The following TASOR variants were observed in gnomAD, a reference collection of about 807,000 sequenced individuals.
TASOR encodes the protein protein TASOR.
Under a neutral mutation model 178.6 loss-of-function variants are expected in TASOR, and 53 were observed. That is an observed-to-expected ratio of 0.30 (90% CI 0.24 to 0.37). The LOEUF is 0.37. TASOR is among the 10% of genes least tolerant of loss of function. The pLI is 1.00. For missense variants in TASOR, 1,815 were observed against 1,971.4 expected (o/e 0.92, Z 1.50); for synonymous variants, 713 against 696.2 (o/e 1.02, Z -0.38).
In TASOR at chr3:56,621,304, A is replaced by AAAAT. The variant is rs1423299315; in HGVS notation, c.*1729_*1732dup. 2.0e-5 allele frequency: 7 copies of AAAAT among 344,668 alleles called. No individual in the cohort carries two copies. Among genetic ancestry groups the AAAAT allele is most frequent in the Admixed American group, 4.4e-5 (1 of 22,612 alleles). 21.4% of individuals were successfully genotyped at this position (344,668 alleles called of 1,614,324 possible). On this transcript the variant is annotated 3_prime_UTR_variant, in exon 24 of 24. Coordinates refer to ENST00000683822, the MANE Select transcript of TASOR (RefSeq NM_001365635.2). ...TAGTTATGGAGTCTTGAGTTCTAAG[A>AAAAT]AAATTTTCATCCCTATTGATTTTTA...
intron 17 of TASOR, 72 bp downstream of exon 17, chr3:56,638,634 G>C: frequency 6.7e-7 from 1 of 1,485,034 alleles, no homozygotes; most frequent in Non-Finnish European, 9.4e-7. Context: ...CCTATTGATG[G>C]AGTATCAGAA....
intron 17 of TASOR, among the ~76,000 whole-genome samples, chr3:56,636,725 T>C (rs2077025709): frequency 1.3e-5 from 2 of 152,034 alleles, no homozygotes; most frequent in Admixed American, 1.3e-4. Flanking sequence ...TGCCATTAAA[T>C]AATTGCAGTA....
chr3:56,667,378 G>A (rs891740756), intron 6 of TASOR, among the ~76,000 whole-genome samples: 4 of 152,116 alleles, frequency 2.6e-5, no homozygotes, highest in African/African-American at 4.8e-5. Context: ...GGTGCCGGGT[G>A]TGGTGGCTCA....
rs2076729654 is a variant in TASOR, at chr3:56,623,345, C to T, written c.4705G>A (p.Glu1569Lys). The stretch of plus-strand genomic sequence containing the variant: ...ACTATATCAATAGAAGTTCTCTCTT[C>T]AGAATCAAGGTAAGTCTTATCTTCT... ...LLEDKTYLDS[E>K]ERTSIDIVCS... is the part of the protein sequence containing the mutation. The change falls in exon 24 of 24, where the codon GAA becomes AAA. Residue 1569 changes from glutamate (E) to lysine (K), a missense_variant. Coordinates refer to ENST00000683822, the MANE Select transcript of TASOR (RefSeq NM_001365635.2). The T allele has an allele frequency of 3.7e-6, 6 of 1,613,442 alleles. No individual in the cohort carries two copies. The highest frequency in any genetic ancestry group is 3.4e-6 in the Non-Finnish European group (4 of 1,179,972).
chr3:56,636,382 T>TTTG (rs1302784773), intron 17 of TASOR, among the ~76,000 whole-genome samples: 76 of 151,450 alleles, frequency 5.0e-4, no homozygotes, highest in Non-Finnish European at 6.3e-4. Context: ...TAATAAAGCT[T>TTTG]TTGTTGTTGG....
At chr3:56,624,093 G>T (rs1442927048) in intron 23 of TASOR, among the ~76,000 whole-genome samples, 1 of 151,984 alleles carries the variant, frequency 6.6e-6, no homozygotes, top group Non-Finnish European at 1.5e-5. Flanking sequence ...TTATGCATGT[G>T]GGGAAATCTA....
chr3:56,627,684 T>A lies in TASOR; in HGVS notation c.3928A>T (p.Ser1310Cys). Residue 1310 changes from serine to cysteine, a missense_variant, in exon 20 of 24, where the codon AGC becomes TGC. Ser to Cys is a moderately radical substitution (Grantham distance 112, BLOSUM62 -1). This residue lies in a region of TASOR where 134 missense variants were observed against 195.2 expected (regional missense o/e 0.69). Coordinates refer to ENST00000683822, the MANE Select transcript of TASOR (RefSeq NM_001365635.2). ...LPCVSFAGVD[S>C]LDDVKNHTYN... ...GTATGATTTTTAACATCATCCAGGC[T>A]ATCAACACCAGCAAAACTAACACAG... 6.2e-7 allele frequency: 1 copy of A among 1,614,136 alleles called. No homozygotes were observed. Among genetic ancestry groups the A allele is most frequent in the Non-Finnish European group, 8.5e-7 (1 of 1,179,984 alleles).
At chr3:56,631,783 CCA>C (rs1475747920) in intron 18 of TASOR, among the ~76,000 whole-genome samples, 1 of 152,060 alleles carries the variant, frequency 6.6e-6, no homozygotes, top group African/African-American at 2.4e-5. Flanking sequence ...GGGGTTTTCA[CCA>C]TGTTAGCCAG....
chr3:56,646,658 C>G lies in TASOR; in HGVS notation c.2079G>C (p.Lys693Asn). 6.2e-7 allele frequency: 1 copy of G among 1,613,760 alleles called. No individual in the cohort carries two copies. The highest frequency in any genetic ancestry group is 8.5e-7 in the Non-Finnish European group (1 of 1,180,004). The change falls in exon 14 of 24, where the codon AAG becomes AAC. Residue 693 changes from lysine (K) to asparagine (N), a missense_variant. Around this residue, in one of 5 missense-constraint regions of TASOR, gnomAD observed 504 missense variants for 645.3 expected, o/e 0.78. Coordinates refer to ENST00000683822, the MANE Select transcript of TASOR (RefSeq NM_001365635.2). ...CTGTGTCTGAGTCCCCACCCACACT[C>G]TTTTTCCTACACTGAATTAAATTAA... is the stretch of plus-strand genomic sequence containing the variant. ...ELINLIQCRK[K>N]SVGGDSDTED...
In TASOR at chr3:56,633,337, A is replaced by T; in HGVS notation, c.3454T>A (p.Ser1152Thr). The T allele has an allele frequency of 1.9e-6, 3 of 1,614,170 alleles. No individual in the cohort carries two copies. Among genetic ancestry groups the T allele is most frequent in the Non-Finnish European group, 2.5e-6 (3 of 1,180,020 alleles). The stretch of plus-strand genomic sequence containing the variant: ...TCTACTTCAGTTAAAGCCGAAGTGG[A>T]ATGCTGCTCATCAGAGTTGGTATCT... ...LKDTNSDEQH[S>T]TSALTEVEMN... Residue 1152 changes from serine (S) to threonine (T), a missense_variant, in exon 18 of 24, where the codon TCC becomes ACC. Ser to Thr is a moderately conservative substitution (Grantham distance 58). Coordinates refer to ENST00000683822, the MANE Select transcript of TASOR (RefSeq NM_001365635.2).
At chr3:56,667,501 C>T (rs1284508903) in intron 6 of TASOR, among the ~76,000 whole-genome samples, 1 of 151,276 alleles carries the variant, frequency 6.6e-6, no homozygotes, top group African/African-American at 2.4e-5. Context: ...AAAAAAAATA[C>T]AAAAAATTAG....
At position 56,657,901 on chromosome 3, in the gene TASOR, C is replaced by G. The variant is rs2077506920; in HGVS notation, c.1368+2830G>C. On this transcript the variant is annotated intron_variant, in intron 11 of 23. Coordinates refer to ENST00000683822, the MANE Select transcript of TASOR (RefSeq NM_001365635.2). ...GCAAATAGAAAGTATTTGTCCCCAT[C>G]TTTTACCTATGTAGTATGCAGCTAC... Among the ~76,000 whole-genome samples, 2 of 152,212 alleles carry G rather than the reference C, an allele frequency of 1.3e-5. 1 individual carries two copies. Among genetic ancestry groups the G allele is most frequent in the South Asian group, 4.1e-4 (2 of 4,830 alleles).
chr3:56,664,991 A>C (rs34097767), intron 7 of TASOR, among the ~76,000 whole-genome samples: 5,087 of 152,250 alleles, frequency 0.033, 112 homozygotes, highest in Middle Eastern at 0.078. Flanking sequence ...CCTGGCCAAC[A>C]CAGCAAGACC....
chr3:56,681,181 A>G (rs1387360279), intron 1 of TASOR, among the ~76,000 whole-genome samples: 7 of 151,920 alleles, frequency 4.6e-5, no homozygotes. Flanking sequence ...AGCTGTGAAG[A>G]AAAAAAATAG....
rs1337114178 is a variant in TASOR at position 56,682,892 on chromosome 3, G to T, written c.115C>A (p.Gln39Lys). ...QALPELESSQ[Q>K]NGGGGGLNIA... ...TTGAGGCCGCCGCCGCCGCCATTTT[G>T]TTGGGAGGACTCAAGCTCCGGAAGC... Residue 39 changes from glutamine (Q) to lysine (K), a missense_variant, in exon 1 of 24, where the codon CAA becomes AAA. By Grantham distance (53) the Gln-to-Lys change is moderately conservative (BLOSUM62 1). Transcript: ENST00000683822. 2 of 1,540,036 alleles carry T rather than the reference G, an allele frequency of 1.3e-6. No individual in the cohort carries two copies. Among genetic ancestry groups the T allele is most frequent in the South Asian group, 2.4e-5 (2 of 83,598 alleles).
chr3:56,657,513 C>T (rs1328956608), intron 11 of TASOR, among the ~76,000 whole-genome samples: 1 of 152,066 alleles, frequency 6.6e-6, no homozygotes, highest in Non-Finnish European at 1.5e-5. Context: ...TTTTACTCTT[C>T]GCATACCTTA....
chr3:56,657,168 G>T (rs1233329138), intron 11 of TASOR, among the ~76,000 whole-genome samples: 1 of 149,934 alleles, frequency 6.7e-6, no homozygotes, highest in Non-Finnish European at 1.5e-5. Flanking sequence ...TCTCTACTAA[G>T]AATACAAAAA....
At chr3:56,627,961 G>A (rs2076833653) in intron 19 of TASOR, among the ~76,000 whole-genome samples, 2 of 152,154 alleles carry the variant, frequency 1.3e-5, no homozygotes, top group Admixed American at 1.3e-4. Context: ...CTAAGGAAAA[G>A]GAGCTTACAA....
chr3:56,668,624 T>A, intron 5 of TASOR, 66 bp from the exon 6 acceptor site: 1 of 1,108,172 alleles, frequency 9.0e-7, no homozygotes, highest in South Asian at 1.7e-5. Flanking sequence ...ACATTAATAT[T>A]ATGAAATACT....
Sources: allele counts gnomAD v4.1 joint callset (sites outside exome capture counted in the v4.1 genomes callset), GRCh38; gene constraint gnomAD v4.1.1; regional missense constraint gnomAD v4.1.1; transcripts MANE v1.5; gene names NCBI Gene and HGNC (gene_info 2026-07-23, HGNC 2026-07-21).